The following MORN1 variants were observed in gnomAD, a reference collection of about 807,000 sequenced individuals.
MORN1 encodes the protein MORN repeat-containing protein 1.
In MORN1, 67 loss-of-function variants were observed where a neutral mutation model predicts 61.9. The ratio of observed to expected loss-of-function variants is 1.08; its 90% CI spans 0.89 to 1.33. The LOEUF (loss-of-function observed/expected upper bound fraction) is 1.33, where lower values mean the gene tolerates loss of function less well. Among genes scored for constraint, MORN1 ranks in the 40% most tolerant of loss-of-function variants. MORN1 has a pLI of 0.00. For synonymous variants in MORN1, 301 were observed against 292.0 expected, an observed-to-expected ratio of 1.03 and a Z score of -0.31; for missense variants, 752 against 691.2, an observed-to-expected ratio of 1.09 and a Z score of -0.99.
At chr1:2,326,885 G>A (rs1441709009) in intron 12 of MORN1, among the ~76,000 whole-genome samples, 2 of 152,224 alleles carry the variant, frequency 1.3e-5, no homozygotes, top group African/African-American at 2.4e-5. Flanking sequence ...AAGACACAGC[G>A]ACCCGGGCCT....
chr1:2,391,092 G>C (rs572148273), intron 1 of MORN1, among the ~76,000 whole-genome samples: 23 of 152,344 alleles, frequency 1.5e-4, no homozygotes, highest in Admixed American at 4.6e-4. Flanking sequence ...AGGAGGCTTG[G>C]TGCTGCTCCT....
At chr1:2,326,942 G>A (rs751124600) in intron 12 of MORN1, among the ~76,000 whole-genome samples, 1 of 152,224 alleles carries the variant, frequency 6.6e-6, no homozygotes. Context: ...GACGTCTGAG[G>A]CCTGTGTCGT....
intron 6 of MORN1, among the ~76,000 whole-genome samples, chr1:2,384,397 C>T (rs533558252): frequency 6.6e-6 from 1 of 152,354 alleles, no homozygotes; most frequent in African/African-American, 2.4e-5. Flanking sequence ...TAGGGCCTGT[C>T]ACAGACCAGA....
chr1:2,333,929 G>T (rs564254833), intron 12 of MORN1, among the ~76,000 whole-genome samples: 1 of 152,286 alleles, frequency 6.6e-6, no homozygotes, highest in East Asian at 1.9e-4. Flanking sequence ...TTAGAATTCC[G>T]AAAAGTGGGC....
In MORN1 at chr1:2,359,878, G is replaced by A. The variant is rs924098358; in HGVS notation, c.746-1163C>T. 6.6e-5 allele frequency among the ~76,000 whole-genome samples: 8 copies of A among 122,080 alleles called. No individual in the cohort carries two copies. The East Asian group carries it at 1.5e-3, about 22-fold the overall frequency. The allele number at this position is 122,080 out of a possible 152,430, so 80.1% of individuals were successfully genotyped here. On this transcript the variant is annotated intron_variant, in intron 8 of 13. Transcript: ENST00000378531. ...AGCCAGGGCGACAGAGAGAGACTCC[G>A]TCTCAAAAAAAAAAAAAGGGAAACA...
intron 10 of MORN1, among the ~76,000 whole-genome samples, chr1:2,340,338 C>T (rs1438913675): frequency 6.6e-6 from 1 of 152,208 alleles, no homozygotes; most frequent in Non-Finnish European, 1.5e-5. Context: ...GTGTCCTGCG[C>T]ATCCCACTCC....
At position 2,372,603 on chromosome 1, in the gene MORN1, CAG is replaced by C. The variant is rs776874304; in HGVS notation, c.635-14_635-13del. ...CCTCGTAGCTTGTTCTGGGAGAGGACAGAGTGTGGCTTTAGCGGTGACTGGCA... is the reference window on the plus strand; with the variant it reads ...CCTCGTAGCTTGTTCTGGGAGAGGACAGTGTGGCTTTAGCGGTGACTGGCA... On this transcript the variant is annotated splice_polypyrimidine_tract_variant and intron_variant, in intron 7 of 13. Transcript: ENST00000378531. This position sits in a 1 kb window ranked among gnomAD's most constrained non-coding sequence, Gnocchi z 5.4. The C allele has an allele frequency of 1.2e-6, 2 of 1,606,282 alleles. No individual in the cohort carries two copies. The highest frequency in any genetic ancestry group is 1.7e-6 in the Non-Finnish European group (2 of 1,175,000).
At chr1:2,381,173 T>C (rs1642363311) in intron 6 of MORN1, among the ~76,000 whole-genome samples, 2 of 152,266 alleles carry the variant, frequency 1.3e-5, no homozygotes, top group South Asian at 4.1e-4. Context: ...GAAAACCTCC[T>C]GCCTCTGAAG....
rs568541634 is a variant in MORN1, at chr1:2,323,240, C to T, written c.1297+857G>A. On this transcript the variant is annotated intron_variant, in intron 13 of 13. Transcript: ENST00000378531. ...CCCGTCACCAAGGCCTCACTGGCTA[C>T]AGCCCCGGCCACACGGGTGCCGTCC... 3.6e-4 allele frequency: 350 copies of T among 985,392 alleles called. 2 individuals carry two copies. The African/African-American group carries it at 5.4e-3, about 15-fold the overall frequency. The allele number at this position is 985,392 out of a possible 1,614,324, so 61.0% of individuals were successfully genotyped here.
At chr1:2,385,105 A>T (rs1281656542) in intron 5 of MORN1, 40 bp from the exon 6 acceptor site, 1 of 1,550,990 alleles carries the variant, frequency 6.4e-7, no homozygotes, top group Admixed American at 1.9e-5. Flanking sequence ...CAACAGGGGG[A>T]GCCGGGTGGT....
At chr1:2,383,683 C>T (rs1161899804) in intron 6 of MORN1, among the ~76,000 whole-genome samples, 6 of 152,046 alleles carry the variant, frequency 3.9e-5, no homozygotes, top group African/African-American at 4.8e-5. Flanking sequence ...GACCTGCACG[C>T]GTGGTTCCTA....
intron 10 of MORN1, among the ~76,000 whole-genome samples, chr1:2,355,744 C>T (rs895578932): frequency 2.0e-5 from 3 of 152,196 alleles, no homozygotes; most frequent in African/African-American, 4.8e-5. Context: ...ACACAGTGCC[C>T]GGGAGAAAGG....
At chr1:2,355,531 T>TG in intron 10 of MORN1, 2 of 1,535,654 alleles carry the variant, frequency 1.3e-6, no homozygotes, top group Non-Finnish European at 8.8e-7. Flanking sequence ...GTGAGGTTTC[T>TG]GGGGGCAGGG....
In MORN1 at chr1:2,328,705, A is replaced by G. The variant is rs548486675; in HGVS notation, c.1251-4562T>C. 3.4e-4 allele frequency among the ~76,000 whole-genome samples: 51 copies of G among 152,238 alleles called. No homozygotes were observed. In the South Asian group the frequency reaches 8.5e-3, roughly 25 times the overall value. ...GTCACCTCCTTAGTAACCCCAAGAA[A>G]TGAGAGCCAGGGGCCAGTGCTTTCT... On this transcript the variant is annotated intron_variant, in intron 12 of 13. Transcript: ENST00000378531.
rs746195444 is a variant in MORN1 at position 2,372,606 on chromosome 1, AGT to A, written c.635-17_635-16del. On this transcript the variant is annotated splice_polypyrimidine_tract_variant and intron_variant, in intron 7 of 13. Coordinates refer to ENST00000378531, the MANE Select transcript of MORN1 (RefSeq NM_024848.3). This position sits in a 1 kb window ranked among gnomAD's most constrained non-coding sequence, Gnocchi z 5.4. ...CGTAGCTTGTTCTGGGAGAGGACAG[AGT>A]GTGGCTTTAGCGGTGACTGGCATGG... The A allele has an allele frequency of 6.2e-7, 1 of 1,605,918 alleles. No homozygotes were observed. Among genetic ancestry groups the A allele is most frequent in the East Asian group, 2.2e-5 (1 of 44,782 alleles).
chr1:2,355,985 G>A (rs751761398), intron 10 of MORN1, among the ~76,000 whole-genome samples: 37 of 152,330 alleles, frequency 2.4e-4, no homozygotes, highest in Non-Finnish European at 4.9e-4. Context: ...ACCGGACTCC[G>A]GCTTGGGAAG....
intron 8 of MORN1, among the ~76,000 whole-genome samples, chr1:2,370,095 G>A (rs547879428): frequency 4.3e-4 from 66 of 152,344 alleles, no homozygotes; most frequent in Non-Finnish European, 7.5e-4. Flanking sequence ...CGTGCTAAAA[G>A]CAACAAGAAT....
intron 2 of MORN1, chr1:2,388,618 A>G (rs886521601): frequency 1.4e-5 from 5 of 349,578 alleles, no homozygotes; most frequent in Admixed American, 8.8e-5. Context: ...TCTCTACACA[A>G]AATTTTAAAA....
chr1:2,359,516 G>T (rs1028148821), intron 8 of MORN1, among the ~76,000 whole-genome samples: 1 of 152,204 alleles, frequency 6.6e-6, no homozygotes. Flanking sequence ...ACGTGGGAGT[G>T]CTGGATAGCA....
Sources: gnomAD v4.1 joint callset for allele counts (sites outside exome capture counted in the v4.1 genomes callset) on GRCh38, gnomAD v4.1.1 for gene constraint, Gnocchi (gnomAD v3.1) non-coding constraint, MANE v1.5 for transcripts, NCBI Gene and HGNC (gene_info 2026-07-23, HGNC 2026-07-21) for gene names.